SLC66A2: variants seen among roughly 807,000 people sequenced by gnomAD.
SLC66A2 encodes solute carrier family 66 member 2.
SLC66A2 carries 23 observed loss-of-function variants against 25.5 expected under a neutral mutation model. The observed-to-expected ratio is 0.90, with a 90% CI of 0.65 to 1.28. SLC66A2 has a LOEUF of 1.28. Ranked by LOEUF, SLC66A2 falls within the 50% of genes most tolerant of loss-of-function variation. SLC66A2 has a pLI of 0.00. For synonymous variants in SLC66A2, 193 were observed against 166.5 expected (o/e 1.16, Z -1.23); for missense variants, 396 against 373.1 (o/e 1.06, Z -0.51).
chr18:79,912,702 C>T (rs975533563), intron 5 of SLC66A2, among the ~76,000 whole-genome samples: 30 of 152,138 alleles, frequency 2.0e-4, no homozygotes, highest in Admixed American at 5.2e-4. Context: ...GGAATTAGAC[C>T]GTGGTGCTGG....
chr18:79,927,102 T>G lies in SLC66A2; in HGVS notation c.391+6867A>C, dbSNP rs1045165995. Reference sequence around the variant, plus strand: ...CACCTGACCTCCTGCAAGCTGCCCTTCAGGGCAGGTCCCAGCCCTACCTGC... The same window carrying G: ...CACCTGACCTCCTGCAAGCTGCCCTGCAGGGCAGGTCCCAGCCCTACCTGC... On this transcript the variant is annotated intron_variant, in intron 4 of 5. Transcript: ENST00000397778. This position sits in a 1 kb window ranked among gnomAD's most constrained non-coding sequence, Gnocchi z 6.2. Among the ~76,000 whole-genome samples, 3 of 152,242 alleles carry G rather than the reference T, an allele frequency of 2.0e-5. No individual in the cohort carries two copies. Among genetic ancestry groups the G allele is most frequent in the African/African-American group, 7.2e-5 (3 of 41,468 alleles).
intron 1 of SLC66A2, among the ~76,000 whole-genome samples, 155 bp from the exon 2 acceptor site, chr18:79,951,180 G>T (rs2051112054): frequency 6.6e-6 from 1 of 151,672 alleles, no homozygotes; most frequent in African/African-American, 2.4e-5. Context: ...TGGGACGGGG[G>T]GGTGTCTGGG....
chr18:79,950,629 TG>T, intron 2 of SLC66A2, 94 bp downstream of exon 2: 1 of 1,203,176 alleles, frequency 8.3e-7, no homozygotes, highest in Non-Finnish European at 1.2e-6. Context: ...AGCAGGGAGG[TG>T]TGGACCCTGC....
At chr18:79,929,998 G>A (rs1341824362) in intron 4 of SLC66A2, among the ~76,000 whole-genome samples, 1 of 152,156 alleles carries the variant, frequency 6.6e-6, no homozygotes, top group Non-Finnish European at 1.5e-5. Context: ...CAGAATGGGT[G>A]AGATTGTGGA....
intron 5 of SLC66A2, among the ~76,000 whole-genome samples, chr18:79,911,294 C>CAGAA (rs1282024050): frequency 1.3e-5 from 2 of 152,274 alleles, no homozygotes; most frequent in Non-Finnish European, 2.9e-5. Flanking sequence ...CTCCAACACA[C>CAGAA]AGAACCCCAG....
intron 4 of SLC66A2, among the ~76,000 whole-genome samples, chr18:79,928,996 G>A (rs747723014): frequency 5.3e-5 from 8 of 152,140 alleles, no homozygotes; most frequent in Admixed American, 1.3e-4. Flanking sequence ...TGGGGATGGC[G>A]GTATCAGGAT....
At chr18:79,928,041 GGGCACCCAACGGT>G (rs1422913467) in intron 4 of SLC66A2, among the ~76,000 whole-genome samples, 7 of 152,186 alleles carry the variant, frequency 4.6e-5, no homozygotes, top group Non-Finnish European at 1.0e-4. Flanking sequence ...CTGCTCAGTG[GGGCACCCAACGGT>G]GGACAGGTGA....
intron 5 of SLC66A2, among the ~76,000 whole-genome samples, chr18:79,905,402 G>C (rs976668896): frequency 1.3e-5 from 2 of 152,254 alleles, no homozygotes; most frequent in African/African-American, 4.8e-5. Context: ...CCGGGGGAAG[G>C]TGGTGCAGGC....
At chr18:79,926,745 G>A (rs148683367) in intron 4 of SLC66A2, among the ~76,000 whole-genome samples, 54 of 151,852 alleles carry the variant, frequency 3.6e-4, no homozygotes, top group African/African-American at 1.2e-3. Context: ...ATAGTTTTCA[G>A]AAGACTGTAA....
intron 5 of SLC66A2, among the ~76,000 whole-genome samples, chr18:79,911,176 C>T (rs1983056676): frequency 6.6e-6 from 1 of 152,226 alleles, no homozygotes; most frequent in Admixed American, 6.5e-5. Flanking sequence ...GCCCCAACCA[C>T]ACAGGCAGAG....
At position 79,903,818 on chromosome 18, in the gene SLC66A2, C is replaced by CCCCCCAGAGA; in HGVS notation, c.*157_*158insTCTCTGGGGG. On this transcript the variant is annotated 3_prime_UTR_variant, in exon 6 of 6. Coordinates refer to ENST00000397778, the MANE Select transcript of SLC66A2 (RefSeq NM_025078.5). ...AGCGTCCCAGCCCCACCCCCACTGC[C>CCCCCCAGAGA]CACCCTGAGACACCCCACAGAGGCT... The CCCCCCAGAGA allele has an allele frequency of 1.6e-6, 1 of 612,982 alleles. No homozygotes were observed. Among genetic ancestry groups the CCCCCCAGAGA allele is most frequent in the Non-Finnish European group, 2.7e-6 (1 of 366,090 alleles). 38.0% of individuals were successfully genotyped at this position (612,982 alleles called of 1,614,324 possible). A position where few individuals can be genotyped will look rare whatever the true frequency, so the allele number is the denominator to read the frequency against.
chr18:79,938,368 G>T (rs1031206095), intron 3 of SLC66A2, among the ~76,000 whole-genome samples: 3 of 152,176 alleles, frequency 2.0e-5, no homozygotes, highest in African/African-American at 7.2e-5. Flanking sequence ...CCTGGCCGAA[G>T]AGGCTCAGCT....
chr18:79,951,214 G>A (rs2051113701), intron 1 of SLC66A2, among the ~76,000 whole-genome samples, 189 bp from the exon 2 acceptor site: 1 of 151,820 alleles, frequency 6.6e-6, no homozygotes. Context: ...TCCCGGAGGG[G>A]GCTGGGGAGG....
chr18:79,943,265 G>A, intron 3 of SLC66A2, 64 bp downstream of exon 3: 2 of 1,500,428 alleles, frequency 1.3e-6, no homozygotes, highest in Non-Finnish European at 1.8e-6. Context: ...AGTGGCTTTT[G>A]TTTCACCAGA....
chr18:79,903,722 T>C lies in SLC66A2; in HGVS notation c.*254A>G. 2 of 511,264 alleles carry C rather than the reference T, an allele frequency of 3.9e-6. No homozygotes were observed. Among genetic ancestry groups the C allele is most frequent in the East Asian group, 7.0e-5 (2 of 28,442 alleles). The allele number at this position is 511,264 out of a possible 1,614,324, so 31.7% of individuals were successfully genotyped here. A position where few individuals can be genotyped will look rare whatever the true frequency, so the allele number is the denominator to read the frequency against. ...AGGAAATGGGGAAAACACTTGCTTT[T>C]TATGTCATCCTAAAAACATCCAAAA... On this transcript the variant is annotated 3_prime_UTR_variant, in exon 6 of 6. Transcript: ENST00000397778.
chr18:79,946,610 G>A (rs1599665612), intron 2 of SLC66A2, among the ~76,000 whole-genome samples: 1 of 152,182 alleles, frequency 6.6e-6, no homozygotes, highest in Non-Finnish European at 1.5e-5. Flanking sequence ...AGACAGTATA[G>A]AGGGTGCCCC....
intron 5 of SLC66A2, among the ~76,000 whole-genome samples, chr18:79,909,457 C>A (rs532688916): frequency 1.3e-5 from 2 of 151,912 alleles, no homozygotes; most frequent in East Asian, 3.9e-4. Flanking sequence ...CAACCTTCCC[C>A]ACAACCTCAC....
rs1313105672 is a variant in SLC66A2 at position 79,904,803 on chromosome 18, T to C, written c.609-620A>G. Among the ~76,000 whole-genome samples the C allele has an allele frequency of 6.6e-6, 1 of 152,226 alleles. No individual in the cohort carries two copies. Among genetic ancestry groups the C allele is most frequent in the African/African-American group, 2.4e-5 (1 of 41,454 alleles). On this transcript the variant is annotated intron_variant, in intron 5 of 5. Coordinates refer to ENST00000397778, the MANE Select transcript of SLC66A2 (RefSeq NM_025078.5). This position sits in a 1 kb window ranked among gnomAD's most constrained non-coding sequence, Gnocchi z 6.3. ...CACGCTTCCCCCACCGCTGTGTTCATGCCCTGGCTTGCCTAGCAGTGAACA... is the reference window on the plus strand; with the variant it reads ...CACGCTTCCCCCACCGCTGTGTTCACGCCCTGGCTTGCCTAGCAGTGAACA...
At chr18:79,925,211 C>A (rs1433904086) in intron 4 of SLC66A2, among the ~76,000 whole-genome samples, 1 of 152,078 alleles carries the variant, frequency 6.6e-6, no homozygotes, top group Non-Finnish European at 1.5e-5. Context: ...GGGGAGGGCA[C>A]CCCCCTTTCC....
Sources: allele counts gnomAD v4.1 joint callset (sites outside exome capture counted in the v4.1 genomes callset), GRCh38; gene constraint gnomAD v4.1.1; non-coding constraint Gnocchi (gnomAD v3.1); transcripts MANE v1.5; gene names NCBI Gene and HGNC (gene_info 2026-07-23, HGNC 2026-07-21).